Variants in ACBD6 observed in about 807,000 individuals in gnomAD.
ACBD6 encodes acyl-CoA binding domain containing 6.
ACBD6 carries 28 observed loss-of-function variants against 37.2 expected under a neutral mutation model. The ratio of observed to expected loss-of-function variants is 0.75; its 90% CI spans 0.56 to 1.03. The LOEUF (loss-of-function observed/expected upper bound fraction) is 1.03. Ranked by LOEUF, ACBD6 falls within the 50% of genes least tolerant of loss-of-function variation. The pLI is 0.00. For missense variants in ACBD6, 340 were observed against 337.4 expected (o/e 1.01, Z -0.06); for synonymous variants, 113 against 126.8 (o/e 0.89, Z 0.73).
At chr1:180,292,994 T>C (rs1318112792) in intron 7 of ACBD6, among the ~76,000 whole-genome samples, 1 of 152,242 alleles carries the variant, frequency 6.6e-6, no homozygotes, top group Non-Finnish European at 1.5e-5. Flanking sequence ...AATCACATTT[T>C]GCTTTTTTGA....
chr1:180,369,568 C>A (rs1257504633), intron 6 of ACBD6, among the ~76,000 whole-genome samples: 1 of 152,264 alleles, frequency 6.6e-6, no homozygotes, highest in East Asian at 1.9e-4. Context: ...CCTTCTACTA[C>A]AGTTTAAAGA....
At chr1:180,425,409 A>G (rs1299612046) in intron 4 of ACBD6, among the ~76,000 whole-genome samples, 2 of 152,192 alleles carry the variant, frequency 1.3e-5, no homozygotes, top group Non-Finnish European at 2.9e-5. Context: ...TTTATCACCT[A>G]TCACCAAGGT....
At chr1:180,379,779 A>G (rs1653571471) in intron 6 of ACBD6, among the ~76,000 whole-genome samples, 3 of 152,208 alleles carry the variant, frequency 2.0e-5, no homozygotes, top group Admixed American at 2.0e-4. Flanking sequence ...TAAAATGACC[A>G]AATAGGCAAA....
intron 7 of ACBD6, among the ~76,000 whole-genome samples, chr1:180,308,010 T>G (rs1411938298): frequency 6.6e-6 from 1 of 152,322 alleles, no homozygotes; most frequent in South Asian, 2.1e-4. Flanking sequence ...TCTTAATGTC[T>G]CTTTACATTT....
chr1:180,392,342 AT>A (rs1478958855), intron 6 of ACBD6, among the ~76,000 whole-genome samples: 3 of 152,018 alleles, frequency 2.0e-5, no homozygotes, highest in Non-Finnish European at 4.4e-5. Flanking sequence ...ACCTCACTGA[AT>A]TTATTTTAGA....
chr1:180,353,469 CAAT>C (rs1464091807), intron 6 of ACBD6, among the ~76,000 whole-genome samples: 1 of 151,908 alleles, frequency 6.6e-6, no homozygotes, highest in East Asian at 1.9e-4. Flanking sequence ...CCAATCAGTT[CAAT>C]AATAATTTCC....
intron 9 of ACBD6, chr1:180,278,797 A>C (rs1649198077): frequency 6.8e-6 from 1 of 147,384 alleles, no homozygotes; most frequent in Admixed American, 6.7e-5. Flanking sequence ...ACAGTTAAAG[A>C]GAAATGAAGT....
chr1:180,496,167 T>G (rs980381654), intron 1 of ACBD6, among the ~76,000 whole-genome samples: 4 of 152,216 alleles, frequency 2.6e-5, no homozygotes, highest in Non-Finnish European at 5.9e-5. Flanking sequence ...AACCGACATT[T>G]GTAGTTAAAC....
At chr1:180,272,269 CCTG>C (rs1209426657) in intron 13 of ACBD6, among the ~76,000 whole-genome samples, 6 of 152,266 alleles carry the variant, frequency 3.9e-5, no homozygotes, top group Middle Eastern at 3.4e-3. Context: ...CCCCTCCCCT[CCTG>C]CTGACTGGGG....
exon 14 of ACBD6, chr1:180,271,507 G>C: frequency 6.2e-7 from 1 of 1,614,168 alleles, no homozygotes; most frequent in South Asian, 1.1e-5. Context: ...TGTCCTCAGA[G>C]ACAGGCCTGG....
chr1:180,289,686 A>C (rs1047680134), intron 7 of ACBD6, among the ~76,000 whole-genome samples: 5 of 152,216 alleles, frequency 3.3e-5, no homozygotes, highest in African/African-American at 9.6e-5. Context: ...TAATGGTAAC[A>C]TATAAATAAA....
chr1:180,327,271 G>A (rs1237817873), intron 6 of ACBD6, among the ~76,000 whole-genome samples: 5 of 152,182 alleles, frequency 3.3e-5, no homozygotes, highest in Admixed American at 3.3e-4. Context: ...GCTGAGCCCT[G>A]CATGGCTTTG....
intron 5 of ACBD6, 56 bp from the exon 6 acceptor site, chr1:180,397,661 GAT>G (rs1654314527): frequency 7.3e-7 from 1 of 1,361,032 alleles, no homozygotes; most frequent in Non-Finnish European, 1.1e-6. Context: ...CCATGTAAAA[GAT>G]ATAATGTTTT....
chr1:180,290,379 G>A (rs988897889), intron 7 of ACBD6, among the ~76,000 whole-genome samples: 1 of 152,116 alleles, frequency 6.6e-6, no homozygotes, highest in African/African-American at 2.4e-5. Flanking sequence ...GTCTCACTTT[G>A]TTGCCCAGGC....
chr1:180,318,848 A>G (rs1488640534), intron 6 of ACBD6, among the ~76,000 whole-genome samples: 2 of 152,094 alleles, frequency 1.3e-5, no homozygotes, highest in Non-Finnish European at 2.9e-5. Flanking sequence ...TAAACTTACC[A>G]CTTTGTTTTT....
Position 180,336,918 on chromosome 1 carries a change from A to C in ACBD6, c.664-22196T>G, listed in dbSNP as rs1189167529. Among the ~76,000 whole-genome samples the C allele has an allele frequency of 4.6e-5, 7 of 152,228 alleles. No individual in the cohort carries two copies. The East Asian group carries it at 9.6e-4, about 21-fold the overall frequency. ...CTAGAAAATCTAGAAGAAATGGATA[A>C]ATTCCTCGACACATACACCCTCCCA... On this transcript the variant is annotated intron_variant, in intron 6 of 7. Transcript: ENST00000367595.
In ACBD6 at chr1:180,274,120, G is replaced by T. The variant is rs184733396; in HGVS notation, c.*937-8C>A. ...TCCTGGTCATGTGTGTTCCTAGGTT[G>T]TGAAGAGCAGGGGACCATCAGAGTC... On this transcript the variant is annotated splice_region_variant and splice_polypyrimidine_tract_variant and intron_variant, in intron 10 of 13. Coordinates refer to the ACBD6 transcript ENST00000642319. 81 of 1,596,162 alleles carry T rather than the reference G, an allele frequency of 5.1e-5. 1 individual carries two copies. In the Admixed American group the frequency reaches 5.2e-4, roughly 10 times the overall value.
chr1:180,399,123 C>A (rs1476141172), intron 5 of ACBD6, among the ~76,000 whole-genome samples: 1 of 152,066 alleles, frequency 6.6e-6, no homozygotes, highest in Non-Finnish European at 1.5e-5. Context: ...CTGTAAATAT[C>A]TGTTTTCTAA....
intron 5 of ACBD6, among the ~76,000 whole-genome samples, chr1:180,398,254 T>C (rs1432434040): frequency 6.6e-6 from 1 of 152,214 alleles, no homozygotes. Flanking sequence ...GAAAATGCTT[T>C]GTAAACTGTA....
Sources: allele counts gnomAD v4.1 joint callset (sites outside exome capture counted in the v4.1 genomes callset), GRCh38; gene constraint gnomAD v4.1.1; transcripts MANE v1.5; gene names NCBI Gene and HGNC (gene_info 2026-07-23, HGNC 2026-07-21).